The following SLC12A2 variants were observed in gnomAD, a reference collection of about 807,000 sequenced individuals.
The protein encoded by SLC12A2 is solute carrier family 12 member 2.
SLC12A2 carries 67 observed loss-of-function variants against 136.3 expected under a neutral mutation model. That is an observed-to-expected ratio of 0.49 (90% confidence interval 0.40 to 0.60). SLC12A2 has a LOEUF of 0.60. SLC12A2 is among the 20% of genes least tolerant of loss of function. The pLI, the probability that SLC12A2 is intolerant of heterozygous loss-of-function variation, is 0.00. For missense variants in SLC12A2, 1,322 were observed against 1,534.7 expected (o/e 0.86, Z 2.32); for synonymous variants, 619 against 562.9 (o/e 1.10, Z -1.41).
At chr5:128,165,326 T>C (rs1763167353) in intron 17 of SLC12A2, among the ~76,000 whole-genome samples, 1 of 152,226 alleles carries the variant, frequency 6.6e-6, no homozygotes, top group African/African-American at 2.4e-5. Flanking sequence ...AACCTTCATA[T>C]TTAAATAGCA....
At chr5:128,108,666 C>T (rs7732262) in intron 1 of SLC12A2, among the ~76,000 whole-genome samples, 2,113 of 152,102 alleles carry the variant, frequency 0.014, 52 homozygotes, top group African/African-American at 0.049. Context: ...TATTTCTTTT[C>T]GGGGTGATAA....
rs774438592 is a variant in SLC12A2 at position 128,184,509 on chromosome 5, C to T, written c.3435+8C>T. On this transcript the variant is annotated splice_region_variant and intron_variant, in intron 25 of 26. Transcript: ENST00000262461. ...GAACTTTATAAGACCAAGGTATTCT[C>T]TTCTGCTTCCTTTTCATTAATCTTT... The T allele has an allele frequency of 2.5e-6, 4 of 1,569,560 alleles. No homozygotes were observed. In the Admixed American group the frequency reaches 8.3e-5, roughly 33 times the overall value.
intron 1 of SLC12A2, among the ~76,000 whole-genome samples, chr5:128,085,161 G>T (rs964456110): frequency 6.6e-6 from 1 of 151,930 alleles, no homozygotes; most frequent in Admixed American, 6.6e-5. Context: ...GCAAGAGTGG[G>T]AATGTTGCTG....
At chr5:128,128,786 T>G (rs1303816003) in intron 4 of SLC12A2, among the ~76,000 whole-genome samples, 7 of 150,496 alleles carry the variant, frequency 4.7e-5, no homozygotes, top group African/African-American at 1.7e-4. Context: ...TAACACAGCC[T>G]TTCAGAGTGG....
chr5:128,110,599 G>A (rs1306109181), intron 1 of SLC12A2: 10 of 1,087,652 alleles, frequency 9.2e-6, no homozygotes, highest in Middle Eastern at 2.0e-4. Context: ...TGATGGCATC[G>A]TAGCAGCTTA....
chr5:128,121,572 T>A (rs902373219), intron 4 of SLC12A2, among the ~76,000 whole-genome samples: 2 of 152,128 alleles, frequency 1.3e-5, no homozygotes, highest in Non-Finnish European at 2.9e-5. Context: ...TCTGCCCGCC[T>A]CAGCCTCCCA....
intron 12 of SLC12A2, 97 bp downstream of exon 12, chr5:128,148,974 T>A: frequency 9.4e-7 from 1 of 1,060,262 alleles, no homozygotes; most frequent in Non-Finnish European, 1.3e-6. Flanking sequence ...CTTGGTATAC[T>A]AAGTTTCTTT....
intron 4 of SLC12A2, among the ~76,000 whole-genome samples, chr5:128,119,246 C>T (rs1012693352): frequency 2.0e-5 from 3 of 151,914 alleles, no homozygotes; most frequent in Non-Finnish European, 4.4e-5. Flanking sequence ...TCTGGTGAAC[C>T]CATCTGAACT....
chr5:128,133,402 G>A (rs1214476657), intron 5 of SLC12A2, among the ~76,000 whole-genome samples: 3 of 151,810 alleles, frequency 2.0e-5, no homozygotes, highest in African/African-American at 7.3e-5. Context: ...TTCCTCCCTT[G>A]TAATTGACTT....
At position 128,150,829 on chromosome 5, in the gene SLC12A2, G is replaced by A. The variant is rs116698988; in HGVS notation, c.2108-412G>A. ...TTTTTATGAACATTTTGTTTGAAAT[G>A]TTTTATATATTCATTAGACTATGGA... is the stretch of plus-strand genomic sequence containing the variant. On this transcript the variant is annotated intron_variant, in intron 13 of 26. Coordinates refer to ENST00000262461, the MANE Select transcript of SLC12A2 (RefSeq NM_001046.3). Among the ~76,000 whole-genome samples, 665 of 151,910 alleles carry A rather than the reference G, an allele frequency of 4.4e-3. 5 individuals carry two copies. The highest frequency in any genetic ancestry group is 5.3e-3 in the Non-Finnish European group (359 of 67,770).
rs370667930 is a variant in SLC12A2, at chr5:128,140,468, G to A, written c.1622-1362G>A. ...ATACATTATTGCTAAAGAAAATTTA[G>A]GCATAAAGTGACATAATTGATTATG... On this transcript the variant is annotated intron_variant, in intron 9 of 26. Coordinates refer to ENST00000262461, the MANE Select transcript of SLC12A2 (RefSeq NM_001046.3). Among the ~76,000 whole-genome samples the A allele has an allele frequency of 9.9e-4, 150 of 152,264 alleles. 5 individuals carry two copies. The South Asian group carries it at 0.029, about 30-fold the overall frequency.
At chr5:128,121,009 C>T (rs570953558) in intron 4 of SLC12A2, among the ~76,000 whole-genome samples, 24 of 152,116 alleles carry the variant, frequency 1.6e-4, no homozygotes, top group African/African-American at 5.8e-4. Context: ...TATGTGTTTG[C>T]AGCTTTGCGG....
chr5:128,133,389 T>G (rs980955762), intron 5 of SLC12A2, among the ~76,000 whole-genome samples: 1 of 152,072 alleles, frequency 6.6e-6, no homozygotes, highest in Non-Finnish European at 1.5e-5. Context: ...TCAAGTAATT[T>G]TTTTCCTCCC....
In SLC12A2 at chr5:128,184,439, A is replaced by G; in HGVS notation, c.3373A>G (p.Lys1125Glu). The G allele has an allele frequency of 6.2e-7, 1 of 1,608,022 alleles. No individual in the cohort carries two copies. Among genetic ancestry groups the G allele is most frequent in the Non-Finnish European group, 8.5e-7 (1 of 1,176,162 alleles). The change falls in exon 25 of 27, where the codon AAA becomes GAA. Residue 1125 changes from lysine (K) to glutamate (E), a missense_variant. By Grantham distance (56) the Lys-to-Glu change is moderately conservative. Around this residue, in one of 8 missense-constraint regions of SLC12A2, gnomAD observed 172 missense variants for 227.4 expected, o/e 0.76. Coordinates refer to ENST00000262461, the MANE Select transcript of SLC12A2 (RefSeq NM_001046.3). ...TGATAAAGAGCAAGATATTGCAGAT[A>G]AAATGAAAGAAGATGAACCATGGCG... ...EDDKEQDIAD[K>E]MKEDEPWRIT...
intron 10 of SLC12A2, among the ~76,000 whole-genome samples, chr5:128,144,128 G>A (rs1323955283): frequency 6.6e-6 from 1 of 151,960 alleles, no homozygotes; most frequent in East Asian, 1.9e-4. Context: ...CACAAACATT[G>A]GTCTTTGCCC....
At chr5:128,103,092 T>G (rs1271162829) in intron 1 of SLC12A2, among the ~76,000 whole-genome samples, 1 of 152,228 alleles carries the variant, frequency 6.6e-6, no homozygotes, top group Non-Finnish European at 1.5e-5. Flanking sequence ...ATTGTATATC[T>G]CTAAGGATAT....
At chr5:128,151,939 C>T (rs1050405946) in intron 14 of SLC12A2, among the ~76,000 whole-genome samples, 2 of 151,976 alleles carry the variant, frequency 1.3e-5, no homozygotes, top group Non-Finnish European at 1.5e-5. Context: ...CCTAGTATGT[C>T]GTATTGATAA....
At chr5:128,090,769 A>C (rs1760281441) in intron 1 of SLC12A2, among the ~76,000 whole-genome samples, 1 of 152,210 alleles carries the variant, frequency 6.6e-6, no homozygotes, top group Non-Finnish European at 1.5e-5. Flanking sequence ...GAGGAACAAC[A>C]GATACCAAGA....
chr5:128,151,063 A>C (rs886474740), intron 13 of SLC12A2, among the ~76,000 whole-genome samples, 178 bp from the exon 14 acceptor site: 2 of 152,022 alleles, frequency 1.3e-5, no homozygotes, highest in African/African-American at 4.8e-5. Flanking sequence ...AGAATTGTCA[A>C]ATTCAATTGT....
Sources: gnomAD v4.1 joint callset for allele counts (sites outside exome capture counted in the v4.1 genomes callset) on GRCh38, gnomAD v4.1.1 for gene constraint, gnomAD v4.1.1 regional missense constraint, MANE v1.5 for transcripts, NCBI Gene and HGNC (gene_info 2026-07-23, HGNC 2026-07-21) for gene names.